Variants in NLGN1 observed in about 807,000 individuals in gnomAD.
NLGN1 encodes the protein neuroligin-1.
Under a neutral mutation model 65.5 loss-of-function variants are expected in NLGN1, and 12 were observed. The observed-to-expected ratio is 0.18, with a 90% confidence interval of 0.12 to 0.30. The LOEUF (loss-of-function observed/expected upper bound fraction) is 0.30. Among genes scored for constraint, NLGN1 ranks in the 10% least tolerant of loss-of-function variants. The pLI is 1.00. For missense variants in NLGN1, 750 were observed against 1,007.1 expected, an observed-to-expected ratio of 0.74 and a Z score of 3.46; for synonymous variants, 350 against 359.5, an observed-to-expected ratio of 0.97 and a Z score of 0.30.
intron 3 of NLGN1, among the ~76,000 whole-genome samples, chr3:173,656,335 A>G (rs1405147726): frequency 4.6e-5 from 7 of 152,022 alleles, no homozygotes; most frequent in African/African-American, 1.7e-4. Context: ...GCTCATAACT[A>G]TTTTCTTTTC....
At chr3:173,964,301 C>A (rs1261839515) in intron 4 of NLGN1, among the ~76,000 whole-genome samples, 1 of 152,108 alleles carries the variant, frequency 6.6e-6, no homozygotes, top group Non-Finnish European at 1.5e-5. Context: ...TCGTGCAGTT[C>A]ATCTTGTTAC....
chr3:174,092,167 C>T (rs1744644492), intron 4 of NLGN1, among the ~76,000 whole-genome samples: 1 of 152,064 alleles, frequency 6.6e-6, no homozygotes. Context: ...GAGAAGGCAC[C>T]AGAAACAGAT....
chr3:173,736,843 C>G lies in NLGN1; in HGVS notation c.494-70837C>G, dbSNP rs1010726640. ...CCCACTAATGTTGGCCAAAATTGATCATTATTGATAAATTAAAACTATATA... is the reference window on the plus strand; with the variant it reads ...CCCACTAATGTTGGCCAAAATTGATGATTATTGATAAATTAAAACTATATA... On this transcript the variant is annotated intron_variant, in intron 3 of 6. Coordinates refer to ENST00000457714, the Ensembl canonical transcript of NLGN1. 2.6e-5 allele frequency among the ~76,000 whole-genome samples: 4 copies of G among 152,038 alleles called. No individual in the cohort carries two copies. The East Asian group carries it at 7.7e-4, about 29-fold the overall frequency.
intron 3 of NLGN1, among the ~76,000 whole-genome samples, chr3:173,756,365 A>G (rs1023012362): frequency 6.6e-6 from 1 of 152,004 alleles, no homozygotes; most frequent in African/African-American, 2.4e-5. Flanking sequence ...AAAACAAGTC[A>G]TGGATTCATT....
chr3:174,149,090 A>T (rs1213519232), intron 4 of NLGN1, among the ~76,000 whole-genome samples: 1 of 152,216 alleles, frequency 6.6e-6, no homozygotes, highest in African/African-American at 2.4e-5. Context: ...CTTAGTGGGT[A>T]GAAAAGAAGT....
chr3:173,749,822 C>G (rs1160448618), intron 3 of NLGN1, among the ~76,000 whole-genome samples: 1 of 151,992 alleles, frequency 6.6e-6, no homozygotes, highest in Non-Finnish European at 1.5e-5. Context: ...CTTCCATTAC[C>G]TGATTTTCTG....
In NLGN1 at chr3:173,943,251, TA is replaced by T. The variant is rs1219192184; in HGVS notation, c.646+135424del. Among the ~76,000 whole-genome samples, 6 of 151,920 alleles carry T rather than the reference TA, an allele frequency of 3.9e-5. No homozygotes were observed. In the South Asian group the frequency reaches 1.0e-3, roughly 26 times the overall value. On this transcript the variant is annotated intron_variant, in intron 4 of 6. Coordinates refer to ENST00000457714, the Ensembl canonical transcript of NLGN1. ...AAACAAAAAAAAATAATGAAGGGTATAAAAATATATTTTTCCTTTGTGAGCA... is the reference window on the plus strand; with the variant it reads ...AAACAAAAAAAAATAATGAAGGGTATAAAATATATTTTTCCTTTGTGAGCA...
chr3:174,044,543 C>A (rs976426005), intron 4 of NLGN1, among the ~76,000 whole-genome samples: 2 of 152,146 alleles, frequency 1.3e-5, no homozygotes, highest in Non-Finnish European at 2.9e-5. Context: ...CAAGAACCAC[C>A]TTTATTCCAG....
chr3:173,658,881 C>A (rs1760488975), intron 3 of NLGN1, among the ~76,000 whole-genome samples: 2 of 151,980 alleles, frequency 1.3e-5, no homozygotes, highest in African/African-American at 4.8e-5. Flanking sequence ...ATGGTTTATA[C>A]ACATGCATGG....
intron 3 of NLGN1, among the ~76,000 whole-genome samples, chr3:173,776,634 C>T (rs1317248738): frequency 2.0e-5 from 3 of 151,932 alleles, no homozygotes; most frequent in African/African-American, 7.2e-5. Flanking sequence ...TTTCCTCATA[C>T]CTGACTACTT....
At chr3:174,065,161 A>T (rs903923613) in intron 4 of NLGN1, among the ~76,000 whole-genome samples, 1 of 151,990 alleles carries the variant, frequency 6.6e-6, no homozygotes, top group Admixed American at 6.6e-5. Context: ...GTTTTTCCAT[A>T]TGTAGATGTA....
At chr3:173,576,238 G>A (rs898356181) in intron 2 of NLGN1, among the ~76,000 whole-genome samples, 4 of 152,018 alleles carry the variant, frequency 2.6e-5, no homozygotes, top group Admixed American at 6.5e-5. Context: ...AAAATTTCCT[G>A]TGTGGTTCAC....
intron 4 of NLGN1, among the ~76,000 whole-genome samples, chr3:173,863,654 A>G (rs942379328): frequency 2.0e-5 from 3 of 152,188 alleles, no homozygotes; most frequent in Admixed American, 6.5e-5. Context: ...ATGGCTTCCA[A>G]TGAGTTTCTA....
chr3:173,605,306 A>G (rs981539403), intron 3 of NLGN1, among the ~76,000 whole-genome samples: 35 of 152,030 alleles, frequency 2.3e-4, no homozygotes, highest in African/African-American at 7.7e-4. Flanking sequence ...TCTTTCCTCC[A>G]CAGCACGTAT....
chr3:174,247,876 A>C (rs2152838799), intron 4 of NLGN1, among the ~76,000 whole-genome samples: 1 of 152,304 alleles, frequency 6.6e-6, no homozygotes, highest in East Asian at 1.9e-4. Flanking sequence ...AGGGTCTGTA[A>C]ATCTGCCTGA....
intron 2 of NLGN1, among the ~76,000 whole-genome samples, chr3:173,542,792 G>A (rs1346715187): frequency 2.0e-5 from 3 of 151,982 alleles, no homozygotes; most frequent in Non-Finnish European, 4.4e-5. Context: ...AGAAGATTTT[G>A]CTATAGTTGA....
intron 4 of NLGN1, among the ~76,000 whole-genome samples, chr3:173,968,251 A>G (rs896256382): frequency 1.3e-5 from 2 of 152,192 alleles, no homozygotes; most frequent in Admixed American, 1.3e-4. Context: ...ACTATCAAGA[A>G]CATCTTTTCA....
chr3:174,023,619 A>G (rs1019979230), intron 4 of NLGN1, among the ~76,000 whole-genome samples: 4 of 152,248 alleles, frequency 2.6e-5, no homozygotes, highest in African/African-American at 9.6e-5. Flanking sequence ...TCTGTCTGAG[A>G]ACTCCCTGAA....
At chr3:173,608,064 A>T (rs1384972199) in intron 3 of NLGN1, among the ~76,000 whole-genome samples, 1 of 151,830 alleles carries the variant, frequency 6.6e-6, no homozygotes, top group Non-Finnish European at 1.5e-5. Flanking sequence ...TAATCAAACA[A>T]CTTTACAAAG....
Sources: gnomAD v4.1 joint callset for allele counts (sites outside exome capture counted in the v4.1 genomes callset) on GRCh38, gnomAD v4.1.1 for gene constraint, MANE v1.5 for transcripts, NCBI Gene and HGNC (gene_info 2026-07-23, HGNC 2026-07-21) for gene names.